The following PRKAR1B variants were observed in gnomAD, a reference collection of about 807,000 sequenced individuals.
PRKAR1B encodes protein kinase cAMP-dependent type I regulatory subunit beta.
A neutral mutation model predicts 46.5 loss-of-function variants in PRKAR1B; 22 were observed. The observed-to-expected ratio is 0.47, with a 90% CI of 0.34 to 0.68. The LOEUF is 0.68. PRKAR1B is among the 30% of genes least tolerant of loss of function. The pLI, the probability that PRKAR1B is intolerant of heterozygous loss-of-function variation, is 0.01. For synonymous variants in PRKAR1B, 259 were observed against 217.7 expected, an observed-to-expected ratio of 1.19 and a Z score of -1.67; for missense variants, 445 against 535.6, an observed-to-expected ratio of 0.83 and a Z score of 1.67.
At chr7:607,364 T>C (rs199730179) in intron 5 of PRKAR1B, 27 bp downstream of exon 5, 10 of 1,603,984 alleles carry the variant, frequency 6.2e-6, no homozygotes, top group African/African-American at 1.3e-5. Flanking sequence ...CTCTGGACTT[T>C]GGCTCCGAGG....
intron 4 of PRKAR1B, among the ~76,000 whole-genome samples, chr7:609,151 C>A (rs1198589155): frequency 1.3e-5 from 2 of 152,274 alleles, no homozygotes; most frequent in East Asian, 3.9e-4. Context: ...CAGTCCCGGG[C>A]ACCTGGCCCC....
At chr7:641,054 G>A (rs189001762) in intron 4 of PRKAR1B, among the ~76,000 whole-genome samples, 3 of 152,092 alleles carry the variant, frequency 2.0e-5, no homozygotes, top group South Asian at 2.1e-4. Flanking sequence ...CCGGGTTCAC[G>A]CCATTCTCCT....
At chr7:553,155 G>T (rs1422003718) in intron 9 of PRKAR1B, among the ~76,000 whole-genome samples, 1 of 150,758 alleles carries the variant, frequency 6.6e-6, no homozygotes, top group African/African-American at 2.4e-5. Context: ...TGTCCCCCCT[G>T]AGACTCCGCC....
intron 2 of PRKAR1B, among the ~76,000 whole-genome samples, chr7:688,694 C>T (rs1287282453): frequency 6.6e-6 from 1 of 152,188 alleles, no homozygotes; most frequent in African/African-American, 2.4e-5. Flanking sequence ...CTTCTCAGTG[C>T]AGGAAAACCC....
chr7:634,211 C>G (rs1052592360), intron 4 of PRKAR1B, among the ~76,000 whole-genome samples: 2 of 151,842 alleles, frequency 1.3e-5, no homozygotes, highest in East Asian at 3.9e-4. Context: ...TTAGTAGAGA[C>G]GGGGTTTCAA....
intron 2 of PRKAR1B, chr7:691,448 C>T: frequency 8.0e-7 from 1 of 1,247,472 alleles, no homozygotes; most frequent in Non-Finnish European, 1.1e-6. Flanking sequence ...AGAGGGAGTG[C>T]CTCCACTCCC....
At chr7:613,948 G>A (rs138685906) in intron 4 of PRKAR1B, among the ~76,000 whole-genome samples, 297 of 152,334 alleles carry the variant, frequency 1.9e-3, no homozygotes, top group Non-Finnish European at 3.0e-3. Flanking sequence ...TCCCCGCAGG[G>A]GCAAGCAGGG....
At chr7:660,890 C>A (rs1336370454) in intron 4 of PRKAR1B, among the ~76,000 whole-genome samples, 1 of 129,096 alleles carries the variant, frequency 7.7e-6, no homozygotes, top group Admixed American at 7.8e-5. Context: ...CCTACTCCAA[C>A]GGGTCCAAAT....
chr7:596,422 C>T, intron 6 of PRKAR1B, 118 bp from the exon 7 acceptor site: 5 of 1,271,218 alleles, frequency 3.9e-6, no homozygotes, highest in Non-Finnish European at 5.3e-6. Flanking sequence ...GGGCGGGGCA[C>T]AAGCCCTTTC....
At chr7:571,784 G>A (rs1332966263) in intron 9 of PRKAR1B, among the ~76,000 whole-genome samples, 9 of 152,196 alleles carry the variant, frequency 5.9e-5, no homozygotes, top group South Asian at 4.1e-4. Flanking sequence ...GATGGTGCCC[G>A]GGCGGGCACC....
At chr7:655,797 T>C (rs1234197085) in intron 4 of PRKAR1B, among the ~76,000 whole-genome samples, 1 of 152,110 alleles carries the variant, frequency 6.6e-6, no homozygotes, top group Non-Finnish European at 1.5e-5. Flanking sequence ...TCAGAGTTGG[T>C]TCCCTGATTG....
At chr7:563,196 C>T (rs1440695586) in intron 9 of PRKAR1B, among the ~76,000 whole-genome samples, 3 of 152,212 alleles carry the variant, frequency 2.0e-5, no homozygotes, top group East Asian at 3.9e-4. Flanking sequence ...AGACCCAACC[C>T]GGAGCTGATG....
intron 4 of PRKAR1B, among the ~76,000 whole-genome samples, chr7:657,746 C>T (rs1785290385): frequency 6.6e-6 from 1 of 152,110 alleles, no homozygotes; most frequent in African/African-American, 2.4e-5. Context: ...TTTTGAAGGA[C>T]AAGCATGAAC....
In PRKAR1B at chr7:685,302, ATATACG is replaced by A. The variant is rs1562615662; in HGVS notation, c.178-4582_178-4577del. 4.4e-3 allele frequency among the ~76,000 whole-genome samples: 69 copies of A among 15,808 alleles called. 14 individuals carry two copies. Among genetic ancestry groups the A allele is most frequent in the African/African-American group, 0.014 (68 of 4,944 alleles). The allele number at this position is 15,808 out of a possible 152,430, so 10.4% of individuals were successfully genotyped here. On this transcript the variant is annotated intron_variant, in intron 2 of 10. Coordinates refer to ENST00000537384, the MANE Select transcript of PRKAR1B (RefSeq NM_001164760.2). ...TACGTATATATATGTATACATATAT[ATATACG>A]TATATATACGTATATATACGTATAT...
At chr7:722,096 CTT>C (rs147399956) in intron 1 of PRKAR1B, among the ~76,000 whole-genome samples, 13 of 92,346 alleles carry the variant, frequency 1.4e-4, no homozygotes, top group East Asian at 3.8e-4. Flanking sequence ...AGTTTTCAGC[CTT>C]TTTTTTTTTT....
chr7:579,407 C>A (rs1780054756), intron 8 of PRKAR1B, 30 bp from the exon 9 acceptor site: 1 of 1,609,754 alleles, frequency 6.2e-7, no homozygotes, highest in Admixed American at 1.7e-5. Flanking sequence ...ACAGGTCATC[C>A]CGGGGCCCAC....
chr7:645,067 G>C (rs1562585697), intron 4 of PRKAR1B, among the ~76,000 whole-genome samples: 1 of 152,182 alleles, frequency 6.6e-6, no homozygotes, highest in Non-Finnish European at 1.5e-5. Context: ...TAGAAATCCG[G>C]AAGAGAAATC....
intron 2 of PRKAR1B, among the ~76,000 whole-genome samples, chr7:682,179 C>T (rs1423720709): frequency 6.6e-6 from 1 of 152,122 alleles, no homozygotes; most frequent in African/African-American, 2.4e-5. Flanking sequence ...TCACAGGGAC[C>T]ACAGATGAGC....
At chr7:685,548 A>G (rs1339711548) in intron 2 of PRKAR1B, among the ~76,000 whole-genome samples, 1 of 151,432 alleles carries the variant, frequency 6.6e-6, no homozygotes, top group African/African-American at 2.4e-5. Flanking sequence ...CAGAGCCCAC[A>G]AGATTTTCAG....
Sources: gnomAD v4.1 joint callset for allele counts (sites outside exome capture counted in the v4.1 genomes callset) on GRCh38, gnomAD v4.1.1 for gene constraint, MANE v1.5 for transcripts, NCBI Gene and HGNC (gene_info 2026-07-23, HGNC 2026-07-21) for gene names.